PTPRG: variants seen among roughly 807,000 people sequenced by gnomAD.
PTPRG encodes the protein protein tyrosine phosphatase receptor type G, also known as receptor-type tyrosine-protein phosphatase gamma.
PTPRG carries 102 observed loss-of-function variants against 165.3 expected under a neutral mutation model. The ratio of observed to expected loss-of-function variants is 0.62; its 90% CI spans 0.53 to 0.73. PTPRG has a LOEUF of 0.73. Ranked by LOEUF, PTPRG falls within the 30% of genes least tolerant of loss-of-function variation. PTPRG has a pLI of 0.00. For synonymous variants in PTPRG, 675 were observed against 669.5 expected (o/e 1.01, Z -0.13); for missense variants, 1,866 against 1,861.4 (o/e 1.00, Z -0.05).
At chr3:61,702,051 T>C (rs1230794174) in intron 1 of PTPRG, among the ~76,000 whole-genome samples, 1 of 152,140 alleles carries the variant, frequency 6.6e-6, no homozygotes, top group Non-Finnish European at 1.5e-5. Flanking sequence ...CGATCTCGGC[T>C]CACTGCAACC....
intron 5 of PTPRG, among the ~76,000 whole-genome samples, chr3:62,092,816 G>A (rs998804613): frequency 2.0e-5 from 3 of 152,178 alleles, no homozygotes; most frequent in Admixed American, 6.5e-5. Flanking sequence ...ACAATAGCAT[G>A]TGCCTGTCAT....
intron 5 of PTPRG, among the ~76,000 whole-genome samples, chr3:62,127,072 C>T (rs1353561178): frequency 6.6e-6 from 1 of 152,298 alleles, no homozygotes; most frequent in East Asian, 1.9e-4. Flanking sequence ...TTCAATATAG[C>T]TCAGTGGTTA....
intron 4 of PTPRG, among the ~76,000 whole-genome samples, chr3:62,037,856 A>G (rs1699999079): frequency 6.6e-6 from 1 of 152,128 alleles, no homozygotes; most frequent in African/African-American, 2.4e-5. Context: ...AAAGGTGCTA[A>G]TCCCATCATG....
chr3:62,162,326 C>T lies in PTPRG; in HGVS notation c.840+5102C>T. Among the ~76,000 whole-genome samples the T allele has an allele frequency of 1.3e-5, 2 of 151,090 alleles. 1 individual carries two copies. Among genetic ancestry groups the T allele is most frequent in the Non-Finnish European group, 2.9e-5 (2 of 67,982 alleles). ...AACAGCACCAGTTAAACTGCAATTA[C>T]AAATCCCCAAGCAGGGATAAAAGAA... On this transcript the variant is annotated intron_variant, in intron 7 of 29. Coordinates refer to ENST00000474889, the MANE Select transcript of PTPRG (RefSeq NM_002841.4).
chr3:62,099,703 A>T (rs905252928), intron 5 of PTPRG, among the ~76,000 whole-genome samples: 17 of 151,264 alleles, frequency 1.1e-4, no homozygotes, highest in Non-Finnish European at 1.6e-4. Context: ...AAACACGTAT[A>T]TGGTTCTTAT....
intron 1 of PTPRG, among the ~76,000 whole-genome samples, chr3:61,738,971 CTTT>C (rs1174097640): frequency 9.2e-5 from 4 of 43,682 alleles, no homozygotes; most frequent in Non-Finnish European, 1.8e-4. Flanking sequence ...TGCTCTGTTG[CTTT>C]TTTTTTTTTT....
chr3:62,121,496 C>G (rs911787168), intron 5 of PTPRG, among the ~76,000 whole-genome samples: 2 of 152,174 alleles, frequency 1.3e-5, no homozygotes, highest in Non-Finnish European at 2.9e-5. Context: ...CGGGCTCTAG[C>G]ATCCTGGTTT....
At chr3:61,858,450 T>C (rs1250697979) in intron 2 of PTPRG, among the ~76,000 whole-genome samples, 1 of 152,220 alleles carries the variant, frequency 6.6e-6, no homozygotes, top group Non-Finnish European at 1.5e-5. Flanking sequence ...GCCATTTGCT[T>C]TGCAAAACAA....
At chr3:62,258,760 C>T (rs951950307) in intron 16 of PTPRG, among the ~76,000 whole-genome samples, 1 of 152,176 alleles carries the variant, frequency 6.6e-6, no homozygotes, top group African/African-American at 2.4e-5. Context: ...CAGTCCTTTT[C>T]TTGTGATAGC....
Position 62,271,654 on chromosome 3 carries a change from T to C in PTPRG, c.3182+99T>C. The C allele has an allele frequency of 8.9e-7, 1 of 1,121,640 alleles. No homozygotes were observed. The highest frequency in any genetic ancestry group is 1.2e-6 in the Non-Finnish European group (1 of 801,838). The allele number at this position is 1,121,640 out of a possible 1,614,324, so 69.5% of individuals were successfully genotyped here. A position where few individuals can be genotyped will look rare whatever the true frequency, so the allele number is the denominator to read the frequency against. ...ATTGCTACTGCTTTCACTTAGAAGC[T>C]GAATCTTCCACTGGAAACTGGGATG... On this transcript the variant is annotated intron_variant, in intron 21 of 29. Transcript: ENST00000474889. This position sits in a 1 kb window ranked among gnomAD's most constrained non-coding sequence, Gnocchi z 4.1.
intron 2 of PTPRG, among the ~76,000 whole-genome samples, chr3:61,935,410 G>T (rs543971608): frequency 6.6e-6 from 1 of 152,016 alleles, no homozygotes; most frequent in Non-Finnish European, 1.5e-5. Context: ...GCAAAATTAC[G>T]CACGTGCACA....
intron 2 of PTPRG, among the ~76,000 whole-genome samples, chr3:61,790,278 C>T (rs911229326): frequency 7.2e-5 from 11 of 152,160 alleles, no homozygotes; most frequent in African/African-American, 2.7e-4. Flanking sequence ...GTGAACCATT[C>T]GAGTTGTTGC....
intron 1 of PTPRG, among the ~76,000 whole-genome samples, chr3:61,748,234 T>A (rs2033289213): frequency 6.6e-6 from 1 of 151,852 alleles, no homozygotes; most frequent in Admixed American, 6.6e-5. Context: ...TCACAAGGAG[T>A]CTCCTAGGTT....
At position 62,219,695 on chromosome 3, in the gene PTPRG, T is replaced by C. The variant is rs1406692081; in HGVS notation, c.2288+712T>C. Reference sequence around the variant, plus strand: ...GGCTTCTGCCCTTTATCTGACAGGCTTCACCAGTGAGAAACAGGTGTCATA... The same window carrying C: ...GGCTTCTGCCCTTTATCTGACAGGCCTCACCAGTGAGAAACAGGTGTCATA... On this transcript the variant is annotated intron_variant, in intron 13 of 29. Transcript: ENST00000474889. The surrounding 1 kb of genome is among the most constrained non-coding windows in gnomAD (Gnocchi z 4.5). Among the ~76,000 whole-genome samples the C allele has an allele frequency of 6.6e-6, 1 of 152,220 alleles. No homozygotes were observed.
intron 2 of PTPRG, among the ~76,000 whole-genome samples, chr3:61,937,253 C>T (rs1221784581): frequency 6.6e-6 from 1 of 152,172 alleles, no homozygotes; most frequent in Admixed American, 6.5e-5. Context: ...TGAATATGCC[C>T]ACCAGATTTG....
rs546566215 is a variant in PTPRG at position 61,689,888 on chromosome 3, C to T, written c.86-58990C>T. Reference sequence around the variant, plus strand: ...CTGATTCCATTTATTTCCTACTAGACGCATTTTGGAAATCTCAGTTTGTGT... The same window carrying T: ...CTGATTCCATTTATTTCCTACTAGATGCATTTTGGAAATCTCAGTTTGTGT... On this transcript the variant is annotated intron_variant, in intron 1 of 29. Transcript: ENST00000474889. Among the ~76,000 whole-genome samples the T allele has an allele frequency of 9.2e-5, 14 of 152,240 alleles. No individual in the cohort carries two copies. The South Asian group carries it at 1.2e-3, about 14-fold the overall frequency.
chr3:61,846,970 C>A (rs2036824536), intron 2 of PTPRG, among the ~76,000 whole-genome samples: 1 of 152,078 alleles, frequency 6.6e-6, no homozygotes, highest in Non-Finnish European at 1.5e-5. Flanking sequence ...GTACAGTAAC[C>A]ACTAGCCACA....
At chr3:61,688,960 G>A (rs535240408) in intron 1 of PTPRG, among the ~76,000 whole-genome samples, 1 of 152,186 alleles carries the variant, frequency 6.6e-6, no homozygotes, top group Non-Finnish European at 1.5e-5. Flanking sequence ...CCTTTAACTT[G>A]ACAGAGAGGG....
At chr3:61,717,004 C>T (rs1288005607) in intron 1 of PTPRG, among the ~76,000 whole-genome samples, 1 of 152,106 alleles carries the variant, frequency 6.6e-6, no homozygotes. Context: ...TTCCCAGGGA[C>T]ATAGGCTTCA....
Sources: gnomAD v4.1 joint callset for allele counts (sites outside exome capture counted in the v4.1 genomes callset) on GRCh38, gnomAD v4.1.1 for gene constraint, Gnocchi (gnomAD v3.1) non-coding constraint, MANE v1.5 for transcripts, NCBI Gene and HGNC (gene_info 2026-07-23, HGNC 2026-07-21) for gene names.